The following SLIT3 variants were observed in gnomAD, a reference collection of about 807,000 sequenced individuals.
The protein encoded by SLIT3 is slit guidance ligand 3.
In SLIT3, 68 loss-of-function variants were observed where a neutral mutation model predicts 184.0. The ratio of observed to expected loss-of-function variants is 0.37; its 90% CI spans 0.30 to 0.45. The LOEUF (loss-of-function observed/expected upper bound fraction) is 0.45, where lower values mean the gene tolerates loss of function less well. SLIT3 is among the 20% of genes least tolerant of loss of function. SLIT3 has a pLI of 1.00. For missense variants in SLIT3, 1,707 were observed against 2,026.0 expected (o/e 0.84, Z 3.02); for synonymous variants, 831 against 828.6 (o/e 1.00, Z -0.05).
At chr5:169,232,883 A>G (rs1239474601) in intron 3 of SLIT3, among the ~76,000 whole-genome samples, 2 of 152,182 alleles carry the variant, frequency 1.3e-5, no homozygotes, top group African/African-American at 4.8e-5. Context: ...CATATTTGCA[A>G]TGTTAAGTAT....
In SLIT3 at chr5:169,300,448, C is replaced by G; in HGVS notation, c.197+65G>C. ...GGCCGAGGGGAAAGGACGGATCTGG[C>G]GCCTGGGGCCCCCTCGGTGGGACCC... On this transcript the variant is annotated intron_variant, in intron 1 of 35. Coordinates refer to ENST00000519560, the MANE Select transcript of SLIT3 (RefSeq NM_003062.4). The surrounding 1 kb of genome is among the most constrained non-coding windows in gnomAD (Gnocchi z 4.1). 5 of 1,386,992 alleles carry G rather than the reference C, an allele frequency of 3.6e-6. No homozygotes were observed. Among genetic ancestry groups the G allele is most frequent in the Non-Finnish European group, 4.7e-6 (5 of 1,072,882 alleles). 85.9% of individuals were successfully genotyped at this position (1,386,992 alleles called of 1,614,324 possible). A position where few individuals can be genotyped will look rare whatever the true frequency, so the allele number is the denominator to read the frequency against.
intron 4 of SLIT3, among the ~76,000 whole-genome samples, chr5:168,983,605 T>C (rs1312988517): frequency 6.6e-6 from 1 of 152,240 alleles, no homozygotes; most frequent in African/African-American, 2.4e-5. Context: ...AGTGGCTCTG[T>C]GCCTCAATTT....
intron 26 of SLIT3, chr5:168,707,415 C>T (rs1382826581): frequency 6.4e-6 from 1 of 156,106 alleles, no homozygotes; most frequent in African/African-American, 2.4e-5. Flanking sequence ...TGGAGGTAGT[C>T]TGGGAGGACA....
At chr5:169,294,440 T>TC (rs1554115126) in intron 1 of SLIT3, among the ~76,000 whole-genome samples, 1 of 152,212 alleles carries the variant, frequency 6.6e-6, no homozygotes, top group East Asian at 1.9e-4. Context: ...GGCTCTGCTG[T>TC]GGGGGCAGGA....
At chr5:168,702,673 AGCGATG>A (rs1294432859) in intron 26 of SLIT3, among the ~76,000 whole-genome samples, 1 of 113,098 alleles carries the variant, frequency 8.8e-6, no homozygotes, top group African/African-American at 4.0e-5. Flanking sequence ...CATAAATAAT[AGCGATG>A]ATGATGATGA....
chr5:169,009,225 C>T (rs1013597862), intron 4 of SLIT3, among the ~76,000 whole-genome samples: 9 of 152,288 alleles, frequency 5.9e-5, no homozygotes, highest in East Asian at 1.9e-4. Flanking sequence ...TCCCCTTCTA[C>T]ATCCATGTCC....
rs767508476 is a variant in SLIT3, at chr5:168,795,511, G to A, written c.1003C>T (p.Arg335Ter). 11 of 1,611,262 alleles carry A rather than the reference G, an allele frequency of 6.8e-6. No individual in the cohort carries two copies. Among genetic ancestry groups the A allele is most frequent in the East Asian group, 2.2e-5 (1 of 44,856 alleles). ...TTCTCCACAGGGGAAACTCACATTC[G>A]CTTCAGTTTCTTGTACTGGGTGAAG... ...GAFTQYKKLK[R>*]IDISKNQISD... Residue 335 changes from arginine (R) to a stop codon, truncating the protein, a stop_gained, in exon 10 of 36, where the codon CGA (arginine) becomes TGA (stop). Transcript: ENST00000519560. LOFTEE classifies it high-confidence loss of function.
chr5:169,058,040 C>A (rs1475213904), intron 4 of SLIT3, among the ~76,000 whole-genome samples: 1 of 152,222 alleles, frequency 6.6e-6, no homozygotes, highest in African/African-American at 2.4e-5. Flanking sequence ...CCATCGACCC[C>A]ACCCTGTAAG....
intron 20 of SLIT3, among the ~76,000 whole-genome samples, chr5:168,726,706 C>T (rs1335297282): frequency 2.6e-5 from 4 of 151,918 alleles, no homozygotes; most frequent in Non-Finnish European, 5.9e-5. Context: ...GGTGTGGTGG[C>T]TCATGCCTGT....
At chr5:169,232,328 G>A (rs532554050) in intron 3 of SLIT3, among the ~76,000 whole-genome samples, 3 of 152,154 alleles carry the variant, frequency 2.0e-5, no homozygotes, top group East Asian at 1.9e-4. Context: ...GGGTTCAAGC[G>A]ATTCTCCTGC....
chr5:168,989,702 C>A (rs1482950388), intron 4 of SLIT3, among the ~76,000 whole-genome samples: 1 of 152,138 alleles, frequency 6.6e-6, no homozygotes, highest in African/African-American at 2.4e-5. Flanking sequence ...AGTCACTGTT[C>A]CCATAGCCAC....
At position 169,174,810 on chromosome 5, in the gene SLIT3, C is replaced by T. The variant is rs564681488; in HGVS notation, c.413+18669G>A. 3.3e-5 allele frequency among the ~76,000 whole-genome samples: 5 copies of T among 152,274 alleles called. No individual in the cohort carries two copies. The South Asian group carries it at 8.3e-4, about 25-fold the overall frequency. Reference sequence around the variant, plus strand: ...TGACAGCCTGTCCTCACCTGTCCCACCTGCATATTTCCAGATCTCTCTCCG... The same window carrying T: ...TGACAGCCTGTCCTCACCTGTCCCATCTGCATATTTCCAGATCTCTCTCCG... On this transcript the variant is annotated intron_variant, in intron 4 of 35. Coordinates refer to ENST00000519560, the MANE Select transcript of SLIT3 (RefSeq NM_003062.4).
At chr5:169,158,904 C>T (rs1235882221) in intron 4 of SLIT3, among the ~76,000 whole-genome samples, 18 of 152,144 alleles carry the variant, frequency 1.2e-4, no homozygotes, top group Admixed American at 1.2e-3. Context: ...AAAAACAGAA[C>T]AAACAGAAAA....
chr5:168,754,032 G>A, intron 16 of SLIT3, 25 bp from the exon 17 acceptor site: 1 of 1,544,180 alleles, frequency 6.5e-7, no homozygotes, highest in Non-Finnish European at 8.7e-7. Flanking sequence ...CAGAATAGGG[G>A]AGAATCAAAA....
chr5:169,203,351 G>GCGCACA (rs1316849336), intron 3 of SLIT3, among the ~76,000 whole-genome samples: 4 of 147,424 alleles, frequency 2.7e-5, no homozygotes, highest in African/African-American at 5.0e-5. Flanking sequence ...ATGTGAATGT[G>GCGCACA]CACACACACA....
chr5:168,907,246 G>C (rs1410500424), intron 4 of SLIT3, among the ~76,000 whole-genome samples: 1 of 152,214 alleles, frequency 6.6e-6, no homozygotes, highest in African/African-American at 2.4e-5. Context: ...ACCTAGCCCT[G>C]TGTCGGTGCA....
chr5:169,155,613 C>T lies in SLIT3; in HGVS notation c.413+37866G>A, dbSNP rs141074032. Among the ~76,000 whole-genome samples the T allele has an allele frequency of 1.0e-3, 158 of 152,288 alleles. 4 individuals carry two copies. The East Asian group carries it at 0.028, about 27-fold the overall frequency. On this transcript the variant is annotated intron_variant, in intron 4 of 35. Coordinates refer to ENST00000519560, the MANE Select transcript of SLIT3 (RefSeq NM_003062.4). ...TGCTCACTGCAGTGAGTCTATGCTTCTGGGTAACCTGGGGGACTTGGCTCT... is the reference window on the plus strand; with the variant it reads ...TGCTCACTGCAGTGAGTCTATGCTTTTGGGTAACCTGGGGGACTTGGCTCT...
At chr5:169,052,017 G>T (rs1040601849) in intron 4 of SLIT3, among the ~76,000 whole-genome samples, 1 of 152,134 alleles carries the variant, frequency 6.6e-6, no homozygotes, top group African/African-American at 2.4e-5. Context: ...TGTACTGAAG[G>T]CTAGTTACAA....
chr5:168,795,665 G>T (rs904611947), intron 9 of SLIT3, 87 bp from the exon 10 acceptor site: 1 of 1,071,654 alleles, frequency 9.3e-7, no homozygotes, highest in Non-Finnish European at 1.5e-6. Context: ...TGGCCTTAAG[G>T]ACAGGGAGGT....
Sources: allele counts gnomAD v4.1 joint callset (sites outside exome capture counted in the v4.1 genomes callset), GRCh38; gene constraint gnomAD v4.1.1; non-coding constraint Gnocchi (gnomAD v3.1); transcripts MANE v1.5; gene names NCBI Gene and HGNC (gene_info 2026-07-23, HGNC 2026-07-21).